The following COL6A5 variants were observed in gnomAD, a reference collection of about 807,000 sequenced individuals.
COL6A5 encodes the protein collagen alpha-5(VI) chain.
A neutral mutation model predicts 65.6 loss-of-function variants in COL6A5; 48 were observed. The observed-to-expected ratio is 0.73, with a 90% CI of 0.58 to 0.93. The LOEUF (loss-of-function observed/expected upper bound fraction) is 0.93, where lower values mean the gene tolerates loss of function less well. Ranked by LOEUF, COL6A5 falls within the 40% of genes least tolerant of loss-of-function variation. COL6A5 has a pLI of 0.00. For synonymous variants in COL6A5, 291 were observed against 322.8 expected, an observed-to-expected ratio of 0.90 and a Z score of 1.05; for missense variants, 914 against 928.3, an observed-to-expected ratio of 0.98 and a Z score of 0.20.
At chr3:130,483,813 C>T (rs535636524) in intron 7 of COL6A5, among the ~76,000 whole-genome samples, 1 of 152,234 alleles carries the variant, frequency 6.6e-6, no homozygotes, top group African/African-American at 2.4e-5. Flanking sequence ...CATTAATGTA[C>T]CAACATTCTT....
At chr3:130,435,963 A>G (rs1480789921) in intron 1 of COL6A5, among the ~76,000 whole-genome samples, 1 of 152,112 alleles carries the variant, frequency 6.6e-6, no homozygotes, top group African/African-American at 2.4e-5. Flanking sequence ...AGAACTTCCT[A>G]TAATATGTTG....
rs1303507658 is a variant in COL6A5, at chr3:130,416,656, A to G, written c.4825-101A>G. The G allele has an allele frequency of 5.6e-6, 4 of 717,302 alleles. No homozygotes were observed. The South Asian group carries it at 6.8e-5, about 12-fold the overall frequency. 44.4% of individuals were successfully genotyped at this position (717,302 alleles called of 1,614,324 possible). ...TGGATCTTTTGTTAAGGCTGCATCA[A>G]GGAGTTGTTGGGAATAGCATGAAGG... On this transcript the variant is annotated intron_variant and NMD_transcript_variant, in intron 23 of 41. Transcript: ENST00000312481.
At chr3:130,432,269 CTG>C (rs1937849019) in intron 1 of COL6A5, among the ~76,000 whole-genome samples, 1 of 152,016 alleles carries the variant, frequency 6.6e-6, no homozygotes, top group Admixed American at 6.6e-5. Flanking sequence ...AATGAGGAAA[CTG>C]GGGCTGGGCG....
At chr3:130,471,274 A>G (rs7375010) in intron 7 of COL6A5, among the ~76,000 whole-genome samples, 108,943 of 151,888 alleles carry the variant, frequency 0.72, 40,820 homozygotes, top group Non-Finnish European at 0.84. Context: ...GGGTACTGCC[A>G]AAACAGAAAA....
At position 130,395,488 on chromosome 3, in the gene COL6A5, T is replaced by C. The variant is rs1196466515; in HGVS notation, c.3568+23T>C. On this transcript the variant is annotated intron_variant and NMD_transcript_variant, in intron 8 of 41. Transcript: ENST00000312481. Reference sequence around the variant, plus strand: ...CCAGTAAGTGCTTCTTGTTTGGTTTTCTTCCATGGAAACTTCTCATTTCTC... The same window carrying C: ...CCAGTAAGTGCTTCTTGTTTGGTTTCCTTCCATGGAAACTTCTCATTTCTC... 2.7e-6 allele frequency: 4 copies of C among 1,505,948 alleles called. No individual in the cohort carries two copies. The South Asian group carries it at 3.8e-5, about 14-fold the overall frequency. 93.3% of individuals were successfully genotyped at this position (1,505,948 alleles called of 1,614,324 possible).
In COL6A5 at chr3:130,423,147, A is replaced by T. The variant is rs114979656; in HGVS notation, c.5100+365A>T. Among the ~76,000 whole-genome samples the T allele has an allele frequency of 2.0e-3, 298 of 152,186 alleles. 2 individuals are homozygous for T. The highest frequency in any genetic ancestry group is 6.8e-3 in the Middle Eastern group (2 of 294). ...AGTGGAAATGAAGGTGACAGTGGGA[A>T]GATGTCCTTCCCACTGTGTCCCTGA... On this transcript the variant is annotated intron_variant and NMD_transcript_variant, in intron 28 of 41. Coordinates refer to the COL6A5 transcript ENST00000312481.
intron 1 of COL6A5, among the ~76,000 whole-genome samples, chr3:130,361,438 A>G (rs1430750529): frequency 6.6e-6 from 1 of 152,048 alleles, no homozygotes; most frequent in Non-Finnish European, 1.5e-5. Context: ...GTCCTAAATA[A>G]TCTATTGGCC....
rs1709953336 is a variant in COL6A5 at position 130,471,598 on chromosome 3, CTT to C, written c.2328+632_2328+633del. On this transcript the variant is annotated intron_variant, in intron 7 of 7. Transcript: ENST00000512836. Reference sequence around the variant, plus strand: ...AATCACATACATAAAATGGATTCCTCTTATATTATCTGGTGGTATTCACATTT... The same window carrying C: ...AATCACATACATAAAATGGATTCCTCATATTATCTGGTGGTATTCACATTT... 11 of 1,258,244 alleles carry C rather than the reference CTT, an allele frequency of 8.7e-6. No homozygotes were observed. In the South Asian group the frequency reaches 1.2e-4, roughly 14 times the overall value. 77.9% of individuals were successfully genotyped at this position (1,258,244 alleles called of 1,614,324 possible).
intron 28 of COL6A5, among the ~76,000 whole-genome samples, chr3:130,423,465 C>G (rs1031746225): frequency 6.6e-6 from 1 of 152,110 alleles, no homozygotes; most frequent in Non-Finnish European, 1.5e-5. Context: ...CACTCATGTC[C>G]TCTTATGAGT....
At chr3:130,478,587 C>T (rs897859121) in intron 7 of COL6A5, among the ~76,000 whole-genome samples, 3 of 152,040 alleles carry the variant, frequency 2.0e-5, no homozygotes, top group African/African-American at 4.8e-5. Context: ...AAAACATCCC[C>T]CAGTTCACAC....
At chr3:130,363,319 A>G (rs1386890033) in intron 1 of COL6A5, among the ~76,000 whole-genome samples, 1 of 152,220 alleles carries the variant, frequency 6.6e-6, no homozygotes, top group Admixed American at 6.5e-5. Flanking sequence ...TCCTGTAAAT[A>G]GGACTTTAAT....
chr3:130,405,624 G>A (rs1936959904), exon 14 of COL6A5: 1 of 1,550,880 alleles, frequency 6.4e-7, no homozygotes, highest in South Asian at 1.2e-5. Context: ...AGGAGACAAA[G>A]GGATTGCAGG....
At chr3:130,480,533 G>A (rs1710210887) in intron 7 of COL6A5, among the ~76,000 whole-genome samples, 1 of 152,096 alleles carries the variant, frequency 6.6e-6, no homozygotes, top group Non-Finnish European at 1.5e-5. Flanking sequence ...ACATAAGCAT[G>A]TTTGCATATA....
At chr3:130,432,093 A>G (rs1018350433) in intron 1 of COL6A5, 144 bp downstream of exon 33, 4 of 824,398 alleles carry the variant, frequency 4.9e-6, no homozygotes, top group South Asian at 1.9e-5. Context: ...ATTGTTGTCA[A>G]TGTCTGTGAA....
exon 2 of COL6A5, chr3:130,373,626 C>T (rs1401809234): frequency 6.7e-7 from 1 of 1,495,108 alleles, no homozygotes; most frequent in Non-Finnish European, 9.1e-7. Context: ...AAGTAAAAAT[C>T]TTCACTAACA....
At chr3:130,352,707 A>G (rs145503503) in intron 1 of COL6A5, among the ~76,000 whole-genome samples, 1 of 152,304 alleles carries the variant, frequency 6.6e-6, no homozygotes, top group Non-Finnish European at 1.5e-5. Context: ...AGAGGGGGCA[A>G]GTTGTAGAAG....
At chr3:130,444,809 G>C (rs1007917761) in intron 4 of COL6A5, among the ~76,000 whole-genome samples, 1 of 152,328 alleles carries the variant, frequency 6.6e-6, no homozygotes, top group South Asian at 2.1e-4. Flanking sequence ...AAGTGAGCTT[G>C]AGAGGATTCA....
chr3:130,439,286 A>G (rs1415800328), intron 1 of COL6A5, among the ~76,000 whole-genome samples: 1 of 151,554 alleles, frequency 6.6e-6, no homozygotes, highest in Non-Finnish European at 1.5e-5. Context: ...TCTAGGGATG[A>G]TGATACTTGT....
chr3:130,478,372 C>T (rs147109101), intron 7 of COL6A5, among the ~76,000 whole-genome samples: 149 of 152,198 alleles, frequency 9.8e-4, no homozygotes, highest in African/African-American at 3.4e-3. Context: ...CACCTGATTG[C>T]TCTGGTCCTA....
Sources: allele counts gnomAD v4.1 joint callset (sites outside exome capture counted in the v4.1 genomes callset), GRCh38; gene constraint gnomAD v4.1.1; transcripts MANE v1.5; gene names NCBI Gene and HGNC (gene_info 2026-07-23, HGNC 2026-07-21).